Variants in OPN3 observed in about 807,000 individuals in gnomAD.
The protein encoded by OPN3 is opsin 3, also known as opsin-3.
In OPN3, 29 loss-of-function variants were observed where a neutral mutation model predicts 33.8. The observed-to-expected ratio is 0.86, with a 90% CI of 0.64 to 1.17. The LOEUF (loss-of-function observed/expected upper bound fraction) is 1.17. OPN3 is among the 50% of genes most tolerant of loss of function. The pLI is 0.00. For synonymous variants in OPN3, 216 were observed against 216.1 expected (o/e 1.00, Z 0.00); for missense variants, 437 against 514.1 (o/e 0.85, Z 1.45).
At chr1:241,612,155 A>G (rs1664017388) in intron 1 of OPN3, among the ~76,000 whole-genome samples, 1 of 152,208 alleles carries the variant, frequency 6.6e-6, no homozygotes, top group Non-Finnish European at 1.5e-5. Context: ...GTCATCATAG[A>G]TTCTCTGGAT....
In OPN3 at chr1:241,631,889, A is replaced by C. The variant is rs2148023215; in HGVS notation, c.373+7993T>G. The C allele has an allele frequency of 1.3e-5, 2 of 152,244 alleles. 1 individual carries two copies. The highest frequency in any genetic ancestry group is 4.1e-4 in the South Asian group (2 of 4,826). 9.4% of individuals were successfully genotyped at this position (152,244 alleles called of 1,614,324 possible). A position where few individuals can be genotyped will look rare whatever the true frequency, so the allele number is the denominator to read the frequency against. On this transcript the variant is annotated intron_variant, in intron 1 of 3. Transcript: ENST00000366554. Reference sequence around the variant, plus strand: ...GCAGCGCCTACACTCTCTAACAGTGAATGTTAGTAGAAAGATCAAAGGTTT... The same window carrying C: ...GCAGCGCCTACACTCTCTAACAGTGCATGTTAGTAGAAAGATCAAAGGTTT...
At chr1:241,636,955 T>TAAAA (rs11457259) in intron 1 of OPN3, among the ~76,000 whole-genome samples, 2 of 148,024 alleles carry the variant, frequency 1.4e-5, no homozygotes, top group African/African-American at 5.0e-5. Flanking sequence ...AGGGGAAGTT[T>TAAAA]AAAAAAAAAA....
chr1:241,613,612 G>A (rs1664051925), intron 1 of OPN3, among the ~76,000 whole-genome samples: 1 of 152,072 alleles, frequency 6.6e-6, no homozygotes, highest in Non-Finnish European at 1.5e-5. Context: ...GAATTTTAGA[G>A]AAAATGAAAG....
chr1:241,594,236 T>G lies in OPN3; in HGVS notation c.*192A>C. 1 of 551,442 alleles carries G rather than the reference T, an allele frequency of 1.8e-6. No homozygotes were observed. Among genetic ancestry groups the G allele is most frequent in the Non-Finnish European group, 3.1e-6 (1 of 325,264 alleles). 34.2% of individuals were successfully genotyped at this position (551,442 alleles called of 1,614,324 possible). ...GTTTTTTCATTATGTAAAGCACCCG[T>G]TGAATTAAAAGAATTTGTTTTTGTT... On this transcript the variant is annotated 3_prime_UTR_variant, in exon 4 of 4. Transcript: ENST00000366554.
Position 241,604,551 on chromosome 1 carries a change from C to A in OPN3, c.402G>T (p.Val134=). The change falls in exon 2 of 4, where the codon GTG becomes GTT. Residue 134 remains valine (V), a synonymous_variant. Transcript: ENST00000366554. ...CGCGAATGTAACGTTCATAGGCCAG[C>A]ACGGTTAGGGTGGCAATGGAAACAA... is the stretch of plus-strand genomic sequence containing the variant. ...FGIVSIATLT[V]LAYERYIRVV... is the part of the protein sequence containing the mutation. 1 of 1,612,996 alleles carries A rather than the reference C, an allele frequency of 6.2e-7. No homozygotes were observed. The highest frequency in any genetic ancestry group is 1.1e-5 in the South Asian group (1 of 91,036).
intron 1 of OPN3, chr1:241,634,270 C>T (rs755690197): frequency 1.2e-6 from 2 of 1,613,908 alleles, no homozygotes; most frequent in East Asian, 4.5e-5. Context: ...TCATGCATGT[C>T]ATGGTTGAAG....
chr1:241,638,490 G>A (rs1273669477), intron 1 of OPN3, among the ~76,000 whole-genome samples: 1 of 152,234 alleles, frequency 6.6e-6, no homozygotes, highest in African/African-American at 2.4e-5. Context: ...TGACTACCCT[G>A]GAGAACACTA....
At chr1:241,626,472 T>C (rs1403704922) in intron 1 of OPN3, among the ~76,000 whole-genome samples, 2 of 152,148 alleles carry the variant, frequency 1.3e-5, no homozygotes, top group African/African-American at 2.4e-5. Flanking sequence ...ACAGCAGGGG[T>C]CATTACCAAT....
At chr1:241,620,221 G>A (rs555515005) in intron 1 of OPN3, among the ~76,000 whole-genome samples, 1 of 149,050 alleles carries the variant, frequency 6.7e-6, no homozygotes, top group East Asian at 2.0e-4. Flanking sequence ...CCCTAGAGCA[G>A]CATTGTTCAG....
intron 1 of OPN3, among the ~76,000 whole-genome samples, chr1:241,622,554 G>T (rs1043023145): frequency 2.6e-5 from 4 of 152,176 alleles, no homozygotes; most frequent in South Asian, 2.1e-4. Flanking sequence ...CCAGAATGCA[G>T]GAGTGCTGCC....
At chr1:241,631,653 G>GT (rs544467935) in intron 1 of OPN3, 37 of 152,136 alleles carry the variant, frequency 2.4e-4, no homozygotes, top group African/African-American at 7.9e-4. Flanking sequence ...AATATTTTTT[G>GT]TAACACAATC....
Position 241,618,299 on chromosome 1 carries a change from C to T in OPN3, c.374-13720G>A, listed in dbSNP as rs572127022. Among the ~76,000 whole-genome samples, 180 of 152,310 alleles carry T rather than the reference C, an allele frequency of 1.2e-3. 1 individual carries two copies. The highest frequency in any genetic ancestry group is 2.2e-3 in the Non-Finnish European group (151 of 68,032). On this transcript the variant is annotated intron_variant, in intron 1 of 3. Coordinates refer to ENST00000366554, the MANE Select transcript of OPN3 (RefSeq NM_014322.3). Reference sequence around the variant, plus strand: ...GCTTTTGAAATAGCTACATACGAAACTCCTGAGGAGATGGTTTAAAATGCT... The same window carrying T: ...GCTTTTGAAATAGCTACATACGAAATTCCTGAGGAGATGGTTTAAAATGCT...
intron 1 of OPN3, chr1:241,635,041 T>C (rs1664827114): frequency 6.2e-7 from 1 of 1,613,228 alleles, no homozygotes; most frequent in Non-Finnish European, 8.5e-7. Context: ...CAATTAGCAA[T>C]CCTTGAGAAT....
At chr1:241,639,771 C>T (rs962669204) in intron 1 of OPN3, 111 bp downstream of exon 1, 66 of 1,112,904 alleles carry the variant, frequency 5.9e-5, no homozygotes, top group Admixed American at 1.2e-4. Context: ...GGGCGCGGGG[C>T]CGAGCGGGAA....
chr1:241,634,647 G>T (rs1274630046), intron 1 of OPN3: 1 of 1,613,916 alleles, frequency 6.2e-7, no homozygotes, highest in Non-Finnish European at 8.5e-7. Flanking sequence ...AATAAAAAGG[G>T]GGTGTTGCCA....
chr1:241,635,681 C>G, intron 1 of OPN3: 1 of 1,614,072 alleles, frequency 6.2e-7, no homozygotes, highest in Non-Finnish European at 8.5e-7. Context: ...CTGACCACTT[C>G]TTGAACATGC....
chr1:241,620,406 T>C (rs750544997), intron 1 of OPN3, among the ~76,000 whole-genome samples: 12 of 152,168 alleles, frequency 7.9e-5, no homozygotes, highest in Admixed American at 3.9e-4. Context: ...TGAGGTGACA[T>C]CTTTGGAAGG....
Position 241,593,425 on chromosome 1 carries a change from C to A in OPN3, c.*1003G>T. 1 of 382,436 alleles carries A rather than the reference C, an allele frequency of 2.6e-6. No homozygotes were observed. 23.7% of individuals were successfully genotyped at this position (382,436 alleles called of 1,614,324 possible). On this transcript the variant is annotated 3_prime_UTR_variant, in exon 4 of 4. Transcript: ENST00000366554. Reference sequence around the variant, plus strand: ...AATTATGAAGATGAAACACTAGAGTCATATAAGAAATAAAAATTGGGCAAT... The same window carrying A: ...AATTATGAAGATGAAACACTAGAGTAATATAAGAAATAAAAATTGGGCAAT...
chr1:241,609,065 C>T (rs1663912803), intron 1 of OPN3, among the ~76,000 whole-genome samples: 2 of 152,222 alleles, frequency 1.3e-5, no homozygotes, highest in Non-Finnish European at 2.9e-5. Flanking sequence ...GACTGTCTTA[C>T]AACTACTTTA....
Sources: gnomAD v4.1 joint callset for allele counts (sites outside exome capture counted in the v4.1 genomes callset) on GRCh38, gnomAD v4.1.1 for gene constraint, MANE v1.5 for transcripts, NCBI Gene and HGNC (gene_info 2026-07-23, HGNC 2026-07-21) for gene names.